FBRS: variants seen among roughly 807,000 people sequenced by gnomAD.
The protein encoded by FBRS is probable fibrosin-1.
Under a neutral mutation model 86.1 loss-of-function variants are expected in FBRS, and 15 were observed. The observed-to-expected ratio is 0.17, with a 90% confidence interval of 0.12 to 0.27. FBRS has a LOEUF of 0.27. FBRS is among the 10% of genes least tolerant of loss of function. The pLI is 1.00. For synonymous variants in FBRS, 666 were observed against 575.8 expected (o/e 1.16, Z -2.24); for missense variants, 1,367 against 1,301.6 (o/e 1.05, Z -0.77).
At chr16:30,664,625 T>A in intron 7 of FBRS, 90 bp from the exon 8 acceptor site, 2 of 1,433,762 alleles carry the variant, frequency 1.4e-6, no homozygotes, top group Non-Finnish European at 1.8e-6. Context: ...GAGGAGGGAG[T>A]GGCTCGAGGC....
Position 30,667,433 on chromosome 16 carries a change from G to C in FBRS, c.1989G>C (p.Ala663=). 1.9e-6 allele frequency: 3 copies of C among 1,542,406 alleles called. No individual in the cohort carries two copies. Among genetic ancestry groups the C allele is most frequent in the Non-Finnish European group, 8.8e-7 (1 of 1,141,030 alleles). The part of the protein sequence containing the change: ...ELSHPASLFT[A]TGAVHAAANP... ...CCCACCCGGCCTCCCTCTTCACTGC[G>C]ACTGGTGAGTCTGGCCAGCCCCCTC... Residue 663 remains alanine (A), a synonymous_variant, in exon 14 of 18, where the codon GCG becomes GCC. Coordinates refer to ENST00000356166, the MANE Select transcript of FBRS (RefSeq NM_001105079.3).
intron 2 of FBRS, among the ~76,000 whole-genome samples, chr16:30,660,777 C>G (rs898121069): frequency 2.0e-5 from 3 of 152,154 alleles, no homozygotes; most frequent in African/African-American, 7.2e-5. Context: ...CAAGCAAACA[C>G]CTAGACCTTA....
In FBRS at chr16:30,669,162, T is replaced by C. The variant is rs1202500547; in HGVS notation, c.2460T>C (p.Ser820=). The change falls in exon 18 of 18, where the codon TCT becomes TCC. Residue 820 remains serine (S), a synonymous_variant. Transcript: ENST00000356166. This position sits in a 1 kb window ranked among gnomAD's most constrained non-coding sequence, Gnocchi z 5.9. ...AGGGGCCTCGGCCAACCAAGGAATC[T>C]GTGCGGGTAAAGGAAGAGCGGAAGG... The part of the protein sequence containing the change: ...GEEGPRPTKE[S]VRVKEERKEE... 6.4e-7 allele frequency: 1 copy of C among 1,559,076 alleles called. No homozygotes were observed. The highest frequency in any genetic ancestry group is 1.9e-5 in the Admixed American group (1 of 51,792).
rs2052508399 is a variant in FBRS, at chr16:30,665,160, G to A, written c.1608+81G>A. The A allele has an allele frequency of 2.6e-6, 4 of 1,562,370 alleles. No individual in the cohort carries two copies. The highest frequency in any genetic ancestry group is 1.9e-5 in the Admixed American group (1 of 52,656). On this transcript the variant is annotated intron_variant, in intron 9 of 17. Coordinates refer to ENST00000356166, the MANE Select transcript of FBRS (RefSeq NM_001105079.3). The surrounding 1 kb of genome is among the most constrained non-coding windows in gnomAD (Gnocchi z 4.1). ...CATGCTTGTGACCCTGACTGCTGGG[G>A]TCCAGTCTTCAGCACAAAAGCAAGA...
At chr16:30,668,488 T>C in intron 15 of FBRS, 72 bp from the exon 16 acceptor site, 2 of 1,406,216 alleles carry the variant, frequency 1.4e-6, no homozygotes. Flanking sequence ...GTCCTGCCTC[T>C]GCCCAGCCAG....
intron 4 of FBRS, 116 bp from the exon 5 acceptor site, chr16:30,662,304 G>A: frequency 6.8e-7 from 1 of 1,468,096 alleles, no homozygotes; most frequent in Non-Finnish European, 9.2e-7. Context: ...CTAAACTGAA[G>A]GAACAGACTT....
At chr16:30,664,124 C>T (rs1310381886) in intron 6 of FBRS, 91 bp from the exon 7 acceptor site, 3 of 1,275,448 alleles carry the variant, frequency 2.4e-6, no homozygotes, top group African/African-American at 3.1e-5. Context: ...GTTGGAGAAC[C>T]AGGGTCACGG....
rs553307805 is a variant in FBRS, at chr16:30,662,813, C to G, written c.1009C>G (p.Leu337Val). ...QLQLRVSPFG[L>V]RTSPYGSSLD... is the part of the protein sequence containing the mutation. ...GCAGCTTCGGGTCTCACCCTTCGGC[C>G]TCCGCACTTCTCCATATGGCAGCAG... Residue 337 changes from leucine to valine, a missense_variant, in exon 6 of 18, where the codon CTC becomes GTC. This residue lies in a region of FBRS where 702 missense variants were observed against 598.7 expected (regional missense o/e 1.17). Transcript: ENST00000356166. 1 of 1,471,620 alleles carries G rather than the reference C, an allele frequency of 6.8e-7. No homozygotes were observed. The highest frequency in any genetic ancestry group is 9.0e-7 in the Non-Finnish European group (1 of 1,106,670). 91.2% of individuals were successfully genotyped at this position (1,471,620 alleles called of 1,614,324 possible).
Position 30,665,818 on chromosome 16 carries a change from G to A in FBRS, c.1773+112G>A. The A allele has an allele frequency of 1.9e-6, 2 of 1,034,050 alleles. No homozygotes were observed. Among genetic ancestry groups the A allele is most frequent in the Non-Finnish European group, 2.9e-6 (2 of 700,084 alleles). The allele number at this position is 1,034,050 out of a possible 1,614,324, so 64.1% of individuals were successfully genotyped here. ...TCCTCCCTTGAATTCACAATCGGGTGTTCCTGGGTGTCTAATAGAGAGGGA... is the reference window on the plus strand; with the variant it reads ...TCCTCCCTTGAATTCACAATCGGGTATTCCTGGGTGTCTAATAGAGAGGGA... On this transcript the variant is annotated intron_variant, in intron 11 of 17. Coordinates refer to ENST00000356166, the MANE Select transcript of FBRS (RefSeq NM_001105079.3). The surrounding 1 kb of genome is among the most constrained non-coding windows in gnomAD (Gnocchi z 4.1).
chr16:30,665,840 G>A lies in FBRS; in HGVS notation c.1773+134G>A. The A allele has an allele frequency of 5.1e-6, 4 of 787,066 alleles. No homozygotes were observed. Among genetic ancestry groups the A allele is most frequent in the Non-Finnish European group, 7.9e-6 (4 of 503,374 alleles). 48.8% of individuals were successfully genotyped at this position (787,066 alleles called of 1,614,324 possible). ...GGTGTTCCTGGGTGTCTAATAGAGA[G>A]GGAATTTCTGTAAATAGCTGGCTTT... is the stretch of plus-strand genomic sequence containing the variant. On this transcript the variant is annotated intron_variant, in intron 11 of 17. Coordinates refer to ENST00000356166, the MANE Select transcript of FBRS (RefSeq NM_001105079.3). The surrounding 1 kb of genome is among the most constrained non-coding windows in gnomAD (Gnocchi z 4.1).
chr16:30,664,332 C>T lies in FBRS; in HGVS notation c.1173C>T (p.His391=). ...SASSSSAQLT[H]RPPTPSLPLP... ...CCTCCTCGTCCGCGCAGCTCACCCA[C>T]CGGCCCCCGACGCCCTCACTGCCCC... Residue 391 remains histidine, a synonymous_variant, in exon 7 of 18, where the codon CAC becomes CAT. Coordinates refer to ENST00000356166, the MANE Select transcript of FBRS (RefSeq NM_001105079.3). The T allele has an allele frequency of 6.5e-7, 1 of 1,543,824 alleles. No homozygotes were observed. The highest frequency in any genetic ancestry group is 2.5e-5 in the East Asian group (1 of 40,548).
chr16:30,659,669 C>T lies in FBRS; in HGVS notation c.151C>T (p.Pro51Ser). The change falls in exon 1 of 18, where the codon CCG (proline) becomes TCG (serine). Residue 51 changes from proline to serine, a missense_variant. Physicochemically the swap from Pro to Ser is moderately conservative, Grantham distance 74 (BLOSUM62 -1). Around this residue, in one of 3 missense-constraint regions of FBRS, gnomAD observed 702 missense variants for 598.7 expected, o/e 1.17. Transcript: ENST00000356166. ...CGCGCCCCGGGCCCTGTTGGCCGCC[C>T]CGCGCGGCTCCTCGTCCTCGTCGTC... ...GDAPRALLAA[P>S]RGSSSSSSPP... 1 of 662,564 alleles carries T rather than the reference C, an allele frequency of 1.5e-6. No homozygotes were observed. Among genetic ancestry groups the T allele is most frequent in the South Asian group, 2.0e-5 (1 of 49,430 alleles). 41.0% of individuals were successfully genotyped at this position (662,564 alleles called of 1,614,324 possible).
In FBRS at chr16:30,665,403, T is replaced by A; in HGVS notation, c.1704+2T>A. 6.4e-7 allele frequency: 1 copy of A among 1,566,120 alleles called. No homozygotes were observed. The highest frequency in any genetic ancestry group is 1.9e-5 in the Admixed American group (1 of 52,946). On this transcript the variant is annotated splice_donor_variant, in intron 10 of 17. Coordinates refer to ENST00000356166, the MANE Select transcript of FBRS (RefSeq NM_001105079.3). LOFTEE classifies it high-confidence loss of function. This position sits in a 1 kb window ranked among gnomAD's most constrained non-coding sequence, Gnocchi z 4.1. Reference sequence around the variant, plus strand: ...CTGCAGGGGGCCTTCCAGCCCAAGGTGAGCTCCCAATCCAGACACCACCAC... The same window carrying A: ...CTGCAGGGGGCCTTCCAGCCCAAGGAGAGCTCCCAATCCAGACACCACCAC...
rs767472381 is a variant in FBRS at position 30,659,530 on chromosome 16, AGCGGCC to A, written c.19_24del (p.Ala7_Ala8del). On this transcript the variant is annotated inframe_deletion, in exon 1 of 18. Transcript: ENST00000356166. The stretch of plus-strand genomic sequence containing the variant: ...TGAGGGCGGTCGCCATGGAGACGGC[AGCGGCC>A]GCGGCCCCGGGTCCGGGCTGGGCAG... 3,152 of 299,226 alleles carry A rather than the reference AGCGGCC, an allele frequency of 0.011. 30 individuals carry two copies. The highest frequency in any genetic ancestry group is 0.014 in the Non-Finnish European group (2,294 of 163,258). 18.5% of individuals were successfully genotyped at this position (299,226 alleles called of 1,614,324 possible).
intron 2 of FBRS, among the ~76,000 whole-genome samples, 160 bp from the exon 3 acceptor site, chr16:30,661,020 T>G (rs1016291127): frequency 9.9e-5 from 15 of 152,064 alleles, no homozygotes; most frequent in Non-Finnish European, 1.8e-4. Context: ...TAGAGAATGG[T>G]GAGAGCACTG....
intron 6 of FBRS, among the ~76,000 whole-genome samples, chr16:30,663,948 G>A (rs1364388448): frequency 6.6e-6 from 1 of 152,216 alleles, no homozygotes; most frequent in Non-Finnish European, 1.5e-5. Flanking sequence ...CTGTGGTTGA[G>A]TCAGAAAGGG....
chr16:30,660,208 G>A, intron 1 of FBRS, 55 bp from the exon 2 acceptor site: 4 of 1,371,108 alleles, frequency 2.9e-6, no homozygotes, highest in South Asian at 1.8e-5. Flanking sequence ...CACCCCTAGA[G>A]GGGTTGGGAG....
Position 30,669,412 on chromosome 16 carries a change from C to T in FBRS, c.2710C>T (p.Leu904=), listed in dbSNP as rs756924723. The change falls in exon 18 of 18, where the codon CTA becomes TTA. Residue 904 remains leucine, a synonymous_variant. Transcript: ENST00000356166. This position sits in a 1 kb window ranked among gnomAD's most constrained non-coding sequence, Gnocchi z 5.9. ...PPRFYEAGEE[L]TGPGAVAAAR... ...CCGCTTCTATGAGGCGGGTGAGGAG[C>T]TAACTGGACCCGGGGCCGTGGCCGC... 2.5e-6 allele frequency: 4 copies of T among 1,612,806 alleles called. No individual in the cohort carries two copies. The Middle Eastern group carries it at 4.9e-4, about 200-fold the overall frequency.
At chr16:30,661,731 T>G (rs899248164) in intron 4 of FBRS, among the ~76,000 whole-genome samples, 6 of 152,152 alleles carry the variant, frequency 3.9e-5, no homozygotes, top group Non-Finnish European at 8.8e-5. Flanking sequence ...ATCATTGTAG[T>G]CAGTGTAGGG....
Sources: gnomAD v4.1 joint callset for allele counts (sites outside exome capture counted in the v4.1 genomes callset) on GRCh38, gnomAD v4.1.1 for gene constraint, gnomAD v4.1.1 regional missense constraint, Gnocchi (gnomAD v3.1) non-coding constraint, MANE v1.5 for transcripts, NCBI Gene and HGNC (gene_info 2026-07-23, HGNC 2026-07-21) for gene names.